The following EPG5 variants were observed in gnomAD, a reference collection of about 807,000 sequenced individuals.
The protein encoded by EPG5 is ectopic P granules protein 5 homolog.
EPG5 carries 159 observed loss-of-function variants against 302.7 expected under a neutral mutation model. The observed-to-expected ratio is 0.53, with a 90% confidence interval of 0.46 to 0.60. The LOEUF is 0.60. EPG5 is among the 20% of genes least tolerant of loss of function. The pLI, the probability that EPG5 is intolerant of heterozygous loss-of-function variation, is 0.00. For synonymous variants in EPG5, 1,158 were observed against 1,136.8 expected (o/e 1.02, Z -0.37); for missense variants, 2,896 against 3,092.4 (o/e 0.94, Z 1.51).
chr18:45,959,164 A>G (rs2051093037), intron 1 of EPG5, among the ~76,000 whole-genome samples: 1 of 152,210 alleles, frequency 6.6e-6, no homozygotes, highest in Non-Finnish European at 1.5e-5. Context: ...GGCAGCGGGC[A>G]AGGTGAACCC....
chr18:45,801,988 AG>A, the EPG5 span, among the ~76,000 whole-genome samples: 1 of 151,758 alleles, frequency 6.6e-6, no homozygotes, highest in South Asian at 2.1e-4. Context: ...TGATGGCGGA[AG>A]GGTTGACAGG....
In EPG5 at chr18:45,954,912, G is replaced by A; in HGVS notation, c.490C>T (p.Gln164Ter). 6.2e-7 allele frequency: 1 copy of A among 1,613,552 alleles called. No homozygotes were observed. The highest frequency in any genetic ancestry group is 8.5e-7 in the Non-Finnish European group (1 of 1,179,796). The change falls in exon 2 of 44, where the codon CAG becomes TAG. Residue 164 changes from glutamine to a stop codon, truncating the protein, a stop_gained. Transcript: ENST00000282041. LOFTEE classifies it high-confidence loss of function. ...SAPQSNFSYT[Q>*]PAMENIQVRE... ...ACTTGTATATTTTCCATTGCTGGCT[G>A]AGTATAAGAAAAATTAGATTGGGGT...
chr18:45,826,655 T>C, the EPG5 span, among the ~76,000 whole-genome samples: 2 of 152,276 alleles, frequency 1.3e-5, no homozygotes, highest in South Asian at 2.1e-4. Context: ...TGCTCGGCCA[T>C]CACAGGCCAC....
chr18:45,944,471 T>C (rs1568178011), intron 7 of EPG5, among the ~76,000 whole-genome samples: 1 of 152,090 alleles, frequency 6.6e-6, no homozygotes, highest in African/African-American at 2.4e-5. Context: ...GAACCACAGA[T>C]GGGCCGGGCG....
At chr18:45,884,925 A>G (rs529185440) in intron 29 of EPG5, 114 bp from the exon 30 acceptor site, 168 of 649,862 alleles carry the variant, frequency 2.6e-4, no homozygotes, top group Middle Eastern at 3.7e-4. Flanking sequence ...TTTCTAAACA[A>G]AAGTCTGAAA....
chr18:45,880,212 G>T lies in EPG5; in HGVS notation c.5530C>A (p.Gln1844Lys). Residue 1844 changes from glutamine to lysine, a missense_variant, in exon 32 of 44, where the codon CAG becomes AAG. Gln to Lys is a moderately conservative substitution (Grantham distance 53, BLOSUM62 1). Coordinates refer to ENST00000282041, the MANE Select transcript of EPG5 (RefSeq NM_020964.3). Reference sequence around the variant, plus strand: ...TTCCAACACTCGGGGCTCAGAAGCTGCTCCGCGGAGCCTGCCAGCAGGGAC... The same window carrying T: ...TTCCAACACTCGGGGCTCAGAAGCTTCTCCGCGGAGCCTGCCAGCAGGGAC... ...LRLLMQSSAE[Q>K]LLSPECWKAT... 1 of 1,596,664 alleles carries T rather than the reference G, an allele frequency of 6.3e-7. No homozygotes were observed. Among genetic ancestry groups the T allele is most frequent in the African/African-American group, 1.3e-5 (1 of 74,492 alleles).
At chr18:45,934,158 G>A (rs982227865) in intron 11 of EPG5, among the ~76,000 whole-genome samples, 3 of 151,884 alleles carry the variant, frequency 2.0e-5, no homozygotes, top group African/African-American at 4.8e-5. Flanking sequence ...GCGTGATAGC[G>A]TGGACCTGTA....
the EPG5 span, among the ~76,000 whole-genome samples, chr18:45,808,383 T>A: frequency 2.0e-5 from 3 of 152,220 alleles, no homozygotes; most frequent in African/African-American, 7.2e-5. Flanking sequence ...AAAAAACACC[T>A]GGGAAATTCA....
the EPG5 span, among the ~76,000 whole-genome samples, chr18:45,815,750 C>A: frequency 6.6e-6 from 1 of 152,100 alleles, no homozygotes; most frequent in Non-Finnish European, 1.5e-5. Flanking sequence ...CAATTCACAA[C>A]GATACTACCA....
the EPG5 span, chr18:45,829,039 G>A: frequency 1.0e-6 from 1 of 962,712 alleles, no homozygotes; most frequent in Non-Finnish European, 1.2e-6. Context: ...GGAGTGAAGG[G>A]AGCAGGGATC....
intron 40 of EPG5, 132 bp from the exon 41 acceptor site, chr18:45,858,914 T>A (rs2048574677): frequency 1.5e-6 from 1 of 682,776 alleles, no homozygotes; most frequent in Non-Finnish European, 2.5e-6. Flanking sequence ...ATAAGCTTCA[T>A]GTCAAGACAA....
intron 1 of EPG5, among the ~76,000 whole-genome samples, chr18:45,964,277 G>C (rs1476935375): frequency 3.3e-5 from 5 of 152,210 alleles, no homozygotes; most frequent in African/African-American, 9.6e-5. Context: ...AAAGACAAAA[G>C]ACATACAGAT....
chr18:45,920,972 G>A (rs1322784429), intron 16 of EPG5, among the ~76,000 whole-genome samples: 1 of 152,100 alleles, frequency 6.6e-6, no homozygotes, highest in Admixed American at 6.5e-5. Context: ...GAGATACTTA[G>A]AGAACTGGCC....
At chr18:45,801,051 T>A in the EPG5 span, among the ~76,000 whole-genome samples, 3 of 152,246 alleles carry the variant, frequency 2.0e-5, no homozygotes, top group South Asian at 6.2e-4. Flanking sequence ...TTTTCGGTTT[T>A]TTTGAGATGG....
At chr18:45,963,181 G>A (rs1169499826) in intron 1 of EPG5, among the ~76,000 whole-genome samples, 1 of 152,192 alleles carries the variant, frequency 6.6e-6, no homozygotes, top group African/African-American at 2.4e-5. Context: ...CAAATGAGAT[G>A]AGTGGCACAG....
intron 9 of EPG5, among the ~76,000 whole-genome samples, chr18:45,941,471 C>T (rs1004405250): frequency 6.6e-6 from 1 of 152,118 alleles, no homozygotes; most frequent in African/African-American, 2.4e-5. Context: ...AATAGACGAT[C>T]TGAAGGCAAG....
chr18:45,945,402 C>T (rs983046848), intron 7 of EPG5, among the ~76,000 whole-genome samples: 13 of 152,236 alleles, frequency 8.5e-5, no homozygotes, highest in African/African-American at 3.1e-4. Context: ...ATTCAGAGTG[C>T]CTTCCTCCCT....
intron 4 of EPG5, 66 bp from the exon 5 acceptor site, chr18:45,949,657 G>A (rs967738303): frequency 8.5e-6 from 9 of 1,062,962 alleles, no homozygotes; most frequent in Admixed American, 4.1e-5. Context: ...TAGGGGTCTA[G>A]TAAAGTCATT....
chr18:45,829,031 AGTGAAGGG>A, the EPG5 span: 1 of 933,000 alleles, frequency 1.1e-6, no homozygotes, highest in South Asian at 4.9e-5. Flanking sequence ...GAAGGGGAGG[AGTGAAGGG>A]AGCAGGGATC....
Sources: allele counts gnomAD v4.1 joint callset (sites outside exome capture counted in the v4.1 genomes callset), GRCh38; gene constraint gnomAD v4.1.1; transcripts MANE v1.5; gene names NCBI Gene and HGNC (gene_info 2026-07-23, HGNC 2026-07-21).